DEPDC5: variants seen among roughly 807,000 people sequenced by gnomAD.
DEPDC5 encodes GATOR1 complex protein DEPDC5.
DEPDC5 carries 73 observed loss-of-function variants against 217.3 expected under a neutral mutation model. The observed-to-expected ratio is 0.34, with a 90% confidence interval of 0.28 to 0.41. The LOEUF is 0.41. Among genes scored for constraint, DEPDC5 ranks in the 10% least tolerant of loss-of-function variants. DEPDC5 has a pLI of 1.00. For missense variants in DEPDC5, 1,675 were observed against 2,070.1 expected (o/e 0.81, Z 3.70); for synonymous variants, 733 against 756.7 (o/e 0.97, Z 0.51).
In DEPDC5 at chr22:31,874,360, C is replaced by T. The variant is rs765000707; in HGVS notation, c.3651C>T (p.His1217=). Residue 1217 remains histidine (H), a synonymous_variant, in exon 36 of 43, where the codon CAC becomes CAT. Transcript: ENST00000651528. Reference sequence around the variant, plus strand: ...AGGTGGTACACTGGTTGGTGAACCACGTGGAGGGGATCCAGACACAGGCGA... The same window carrying T: ...AGGTGGTACACTGGTTGGTGAACCATGTGGAGGGGATCCAGACACAGGCGA... The part of the protein sequence containing the change: ...SAEVVHWLVN[H]VEGIQTQAMA... The T allele has an allele frequency of 8.1e-6, 13 of 1,612,124 alleles. No individual in the cohort carries two copies. Among genetic ancestry groups the T allele is most frequent in the East Asian group, 4.5e-5 (2 of 44,816 alleles).
chr22:31,823,327 C>T (rs1367024209), intron 24 of DEPDC5, among the ~76,000 whole-genome samples: 1 of 151,734 alleles, frequency 6.6e-6, no homozygotes, highest in Admixed American at 6.6e-5. Context: ...GTCAGGAGTT[C>T]GAGACCAGCC....
chr22:31,865,070 C>T (rs1203202007), intron 33 of DEPDC5, among the ~76,000 whole-genome samples: 13 of 141,928 alleles, frequency 9.2e-5, no homozygotes, highest in Admixed American at 8.7e-4. Context: ...AGGTGATCTA[C>T]CCGCCTCGGC....
intron 38 of DEPDC5, among the ~76,000 whole-genome samples, chr22:31,888,754 C>G (rs2093373125): frequency 6.6e-6 from 1 of 152,110 alleles, no homozygotes; most frequent in Non-Finnish European, 1.5e-5. Flanking sequence ...CTTTGTTGCC[C>G]AGGCTGGTCT....
intron 10 of DEPDC5, 193 bp downstream of exon 10, chr22:31,785,068 G>A: frequency 7.9e-6 from 4 of 506,136 alleles, no homozygotes; most frequent in Non-Finnish European, 1.4e-5. Flanking sequence ...CACACTCAAT[G>A]GTAAAAGACT....
chr22:31,770,547 A>ATTTTTTT (rs34409975), intron 7 of DEPDC5, among the ~76,000 whole-genome samples: 2,508 of 133,284 alleles, frequency 0.019, 21 homozygotes, highest in African/African-American at 0.03. Context: ...CACGTAGCTA[A>ATTTTTTT]TTTTTTTTTT....
chr22:31,865,887 A>G (rs565334809), intron 33 of DEPDC5, among the ~76,000 whole-genome samples: 2 of 152,288 alleles, frequency 1.3e-5, no homozygotes, highest in African/African-American at 2.4e-5. Context: ...TCCCTTTGCA[A>G]TGCCTCTGTC....
chr22:31,792,909 A>T (rs1197071968), intron 12 of DEPDC5, 92 bp downstream of exon 12: 5 of 1,130,076 alleles, frequency 4.4e-6, no homozygotes, highest in Non-Finnish European at 5.9e-6. Flanking sequence ...ACATGGCGAA[A>T]CCCTGTCTCT....
At chr22:31,874,196 C>G in intron 35 of DEPDC5, 77 bp from the exon 36 acceptor site, 2 of 1,534,314 alleles carry the variant, frequency 1.3e-6, no homozygotes, top group Non-Finnish European at 8.8e-7. Flanking sequence ...GGAGTCCCTT[C>G]TTTTTCATCT....
intron 6 of DEPDC5, among the ~76,000 whole-genome samples, chr22:31,767,398 C>T (rs535739142): frequency 2.0e-5 from 3 of 152,022 alleles, no homozygotes; most frequent in Non-Finnish European, 2.9e-5. Flanking sequence ...CTGGTTCAAG[C>T]GATTCTCCTG....
At position 31,843,713 on chromosome 22, in the gene DEPDC5, T is replaced by C. The variant is rs1370095674; in HGVS notation, c.2702T>C (p.Phe901Ser). 1 of 1,613,980 alleles carries C rather than the reference T, an allele frequency of 6.2e-7. No homozygotes were observed. ...SLCPSHSDSE[F>S]VSCWVEFSHE... The stretch of plus-strand genomic sequence containing the variant: ...TGTCCTTCCCACTCAGACTCAGAGT[T>C]CGTCTCCTGCTGGGTGGAATTCTCC... The change falls in exon 29 of 43, where the codon TTC (phenylalanine) becomes TCC (serine). Residue 901 changes from phenylalanine (F) to serine (S), a missense_variant. Around this residue, in one of 11 missense-constraint regions of DEPDC5, gnomAD observed 293 missense variants for 386.1 expected, o/e 0.76. Transcript: ENST00000651528.
At chr22:31,853,763 GGCCA>G (rs1202719802) in intron 31 of DEPDC5, among the ~76,000 whole-genome samples, 1 of 152,200 alleles carries the variant, frequency 6.6e-6, no homozygotes, top group East Asian at 1.9e-4. Context: ...AGCAGGTGCT[GGCCA>G]GTGGGCTTTT....
At chr22:31,846,655 C>T (rs1266568779) in intron 30 of DEPDC5, among the ~76,000 whole-genome samples, 179 bp from the exon 31 acceptor site, 1 of 152,162 alleles carries the variant, frequency 6.6e-6, no homozygotes, top group Non-Finnish European at 1.5e-5. Context: ...TTTTAGCTGA[C>T]CAGGCATTTG....
chr22:31,785,053 A>G lies in DEPDC5; in HGVS notation c.624+178A>G, dbSNP rs545700705. 37 of 558,814 alleles carry G rather than the reference A, an allele frequency of 6.6e-5. No individual in the cohort carries two copies. In the Admixed American group the frequency reaches 1.1e-3, roughly 16 times the overall value. 34.6% of individuals were successfully genotyped at this position (558,814 alleles called of 1,614,324 possible). On this transcript the variant is annotated intron_variant, in intron 10 of 42. Transcript: ENST00000651528. ...GAGAATTTATGAAAAACACAAAGCT[A>G]ACATCACACTCAATGGTAAAAGACT...
At chr22:31,784,558 G>A (rs1269780442) in intron 9 of DEPDC5, 2 of 328,658 alleles carry the variant, frequency 6.1e-6, no homozygotes, top group Non-Finnish European at 1.1e-5. Flanking sequence ...GAACCTGGGC[G>A]GCAGTGAGCC....
At chr22:31,839,091 C>T (rs1320379653) in intron 27 of DEPDC5, among the ~76,000 whole-genome samples, 1 of 152,176 alleles carries the variant, frequency 6.6e-6, no homozygotes, top group East Asian at 1.9e-4. Context: ...AATGGGACAG[C>T]CTGGCTTGGA....
intron 2 of DEPDC5, chr22:31,755,225 A>T (rs1267018761): frequency 3.8e-6 from 2 of 523,342 alleles, no homozygotes; most frequent in Non-Finnish European, 6.8e-6. Flanking sequence ...GTTGAATTGC[A>T]TTATTAATTA....
chr22:31,903,881 A>G (rs558879114), intron 41 of DEPDC5, among the ~76,000 whole-genome samples: 16 of 151,708 alleles, frequency 1.1e-4, no homozygotes, highest in Middle Eastern at 3.4e-3. Flanking sequence ...GGGCAGGGGT[A>G]TGCTTTTTCC....
At chr22:31,777,602 G>C (rs2084007657) in intron 7 of DEPDC5, among the ~76,000 whole-genome samples, 1 of 151,698 alleles carries the variant, frequency 6.6e-6, no homozygotes, top group Admixed American at 6.6e-5. Context: ...CCCAGATTAA[G>C]AGCCCCTGTT....
intron 40 of DEPDC5, 46 bp downstream of exon 40, chr22:31,897,699 C>G: frequency 6.3e-7 from 1 of 1,598,632 alleles, no homozygotes; most frequent in Admixed American, 1.7e-5. Flanking sequence ...AGTAAGACCC[C>G]GTCCCTAACA....
Sources: gnomAD v4.1 joint callset for allele counts (sites outside exome capture counted in the v4.1 genomes callset) on GRCh38, gnomAD v4.1.1 for gene constraint, gnomAD v4.1.1 regional missense constraint, MANE v1.5 for transcripts, NCBI Gene and HGNC (gene_info 2026-07-23, HGNC 2026-07-21) for gene names.